Variants in CDC5L observed in about 807,000 individuals in gnomAD.
CDC5L encodes the protein cell division cycle 5-like protein.
In CDC5L, 18 loss-of-function variants were observed where a neutral mutation model predicts 104.1. The ratio of observed to expected loss-of-function variants is 0.17; its 90% CI spans 0.12 to 0.26. The LOEUF (loss-of-function observed/expected upper bound fraction) is 0.26, where lower values mean the gene tolerates loss of function less well. CDC5L is among the 10% of genes least tolerant of loss of function. CDC5L has a pLI of 1.00. For synonymous variants in CDC5L, 331 were observed against 322.7 expected, an observed-to-expected ratio of 1.03 and a Z score of -0.28; for missense variants, 673 against 956.9, an observed-to-expected ratio of 0.70 and a Z score of 3.91.
In CDC5L at chr6:44,446,773, GAAACTGAT is replaced by G; in HGVS notation, c.*63_*70del. On this transcript the variant is annotated 3_prime_UTR_variant, in exon 16 of 16. Coordinates refer to ENST00000371477, the MANE Select transcript of CDC5L (RefSeq NM_001253.4). ...GCCGGTTTTCATACTCTAGAAGGCT[GAAACTGAT>G]GTTTATCTTCATTGACAAATTTACC... 3.8e-6 allele frequency: 3 copies of G among 781,402 alleles called. No homozygotes were observed. The South Asian group carries it at 5.2e-5, about 13-fold the overall frequency. The allele number at this position is 781,402 out of a possible 1,614,324, so 48.4% of individuals were successfully genotyped here.
At position 44,392,654 on chromosome 6, in the gene CDC5L, C is replaced by G. The variant is rs1292967624; in HGVS notation, c.150-13C>G. On this transcript the variant is annotated splice_polypyrimidine_tract_variant and intron_variant, in intron 2 of 15. Coordinates refer to ENST00000371477, the MANE Select transcript of CDC5L (RefSeq NM_001253.4). The stretch of plus-strand genomic sequence containing the variant: ...GTAACTGATTAATATATAAAATGAT[C>G]TATGTTTAATAGGTATGAATGGCTG... 6.2e-7 allele frequency: 1 copy of G among 1,608,902 alleles called. No individual in the cohort carries two copies. Among genetic ancestry groups the G allele is most frequent in the Non-Finnish European group, 8.5e-7 (1 of 1,176,506 alleles).
At chr6:44,409,957 A>C (rs1219979047) in intron 8 of CDC5L, among the ~76,000 whole-genome samples, 3 of 151,870 alleles carry the variant, frequency 2.0e-5, no homozygotes, top group Non-Finnish European at 4.4e-5. Flanking sequence ...TTCATTGATA[A>C]GGAAAAATTG....
At chr6:44,397,557 G>A (rs1291962412) in intron 5 of CDC5L, among the ~76,000 whole-genome samples, 1 of 152,186 alleles carries the variant, frequency 6.6e-6, no homozygotes, top group Non-Finnish European at 1.5e-5. Context: ...AGTATGTTGA[G>A]TGTGTTCTGT....
chr6:44,393,701 G>A, intron 4 of CDC5L, 128 bp downstream of exon 4: 2 of 924,268 alleles, frequency 2.2e-6, no homozygotes, highest in Non-Finnish European at 3.1e-6. Context: ...GTCTTGCTCT[G>A]TTACCCAGGC....
At chr6:44,402,954 T>C (rs980205283) in intron 5 of CDC5L, among the ~76,000 whole-genome samples, 4 of 152,244 alleles carry the variant, frequency 2.6e-5, no homozygotes, top group African/African-American at 9.6e-5. Flanking sequence ...AAACAGTGCT[T>C]AGTGAACAGC....
At chr6:44,404,341 C>G (rs1791265724) in intron 6 of CDC5L, among the ~76,000 whole-genome samples, 1 of 151,754 alleles carries the variant, frequency 6.6e-6, no homozygotes, top group Non-Finnish European at 1.5e-5. Flanking sequence ...AGGGTGGGAT[C>G]TCCTTTTGTT....
intron 10 of CDC5L, among the ~76,000 whole-genome samples, chr6:44,423,363 G>A (rs1009631094): frequency 6.6e-6 from 1 of 152,136 alleles, no homozygotes; most frequent in Admixed American, 6.5e-5. Context: ...CATGCATTTG[G>A]ACATTTGAGG....
rs1454187759 is a variant in CDC5L at position 44,387,803 on chromosome 6, C to T, written c.-21C>T. ...CTCTGAAGCTCCTCTCGGCTGCTTGCCGAGACACCCTGCCGCCAAGATGCC... is the reference window on the plus strand; with the variant it reads ...CTCTGAAGCTCCTCTCGGCTGCTTGTCGAGACACCCTGCCGCCAAGATGCC... On this transcript the variant is annotated 5_prime_UTR_variant, in exon 1 of 16. Coordinates refer to ENST00000371477, the MANE Select transcript of CDC5L (RefSeq NM_001253.4). The T allele has an allele frequency of 3.9e-6, 6 of 1,555,832 alleles. No homozygotes were observed. Among genetic ancestry groups the T allele is most frequent in the African/African-American group, 1.4e-5 (1 of 73,292 alleles).
At chr6:44,430,969 C>T (rs373518335) in intron 14 of CDC5L, among the ~76,000 whole-genome samples, 2 of 152,280 alleles carry the variant, frequency 1.3e-5, no homozygotes, top group East Asian at 1.9e-4. Context: ...TACAGAAAAT[C>T]GTCTTGGTTT....
At chr6:44,434,489 T>C (rs1027217987) in intron 14 of CDC5L, among the ~76,000 whole-genome samples, 1 of 152,182 alleles carries the variant, frequency 6.6e-6, no homozygotes, top group African/African-American at 2.4e-5. Context: ...TGTTTGCAAA[T>C]GTTTTGGTGA....
At chr6:44,418,674 A>T (rs1326488740) in intron 8 of CDC5L, among the ~76,000 whole-genome samples, 2 of 152,038 alleles carry the variant, frequency 1.3e-5, no homozygotes, top group Non-Finnish European at 1.5e-5. Context: ...TGACTTTTTA[A>T]TGATTGCCAT....
chr6:44,393,750 G>C (rs1790728711), intron 4 of CDC5L, among the ~76,000 whole-genome samples, 177 bp downstream of exon 4: 1 of 151,714 alleles, frequency 6.6e-6, no homozygotes, highest in Non-Finnish European at 1.5e-5. Flanking sequence ...CTGCGGTTTT[G>C]ACCTCCTGGG....
chr6:44,414,430 G>A (rs13208709), intron 8 of CDC5L, among the ~76,000 whole-genome samples: 106,774 of 140,954 alleles, frequency 0.76, 40,811 homozygotes, highest in Non-Finnish European at 0.86. Flanking sequence ...GTGTGTGTGT[G>A]TATTTTTTTT....
chr6:44,424,925 TTGGTTCC>T (rs1037623217), intron 11 of CDC5L, among the ~76,000 whole-genome samples: 34 of 152,284 alleles, frequency 2.2e-4, no homozygotes, highest in Admixed American at 3.9e-4. Context: ...CAAATACATC[TTGGTTCC>T]TGGGTGGTGC....
rs9369480 is a variant in CDC5L, at chr6:44,389,039, C to T, written c.45+1171C>T. 2.4e-3 allele frequency among the ~76,000 whole-genome samples: 367 copies of T among 152,228 alleles called. 7 individuals carry two copies. The East Asian group carries it at 0.051, about 21-fold the overall frequency. ...GAGTAAGAGCTAGTTGCTCTTTCACCTCACCAGACAGCATGGCGAGAGGAC... is the reference window on the plus strand; with the variant it reads ...GAGTAAGAGCTAGTTGCTCTTTCACTTCACCAGACAGCATGGCGAGAGGAC... On this transcript the variant is annotated intron_variant, in intron 1 of 15. Coordinates refer to ENST00000371477, the MANE Select transcript of CDC5L (RefSeq NM_001253.4).
intron 14 of CDC5L, among the ~76,000 whole-genome samples, chr6:44,434,904 C>A (rs551040106): frequency 4.6e-5 from 7 of 152,102 alleles, no homozygotes; most frequent in Non-Finnish European, 8.8e-5. Context: ...GGTCTCTGGC[C>A]AGTCTTTTTT....
In CDC5L at chr6:44,396,334, T is replaced by G. The variant is rs777026299; in HGVS notation, c.440-7T>G. 6.3e-7 allele frequency: 1 copy of G among 1,595,638 alleles called. No homozygotes were observed. The highest frequency in any genetic ancestry group is 8.6e-7 in the Non-Finnish European group (1 of 1,169,196). ...ATACTTAGTTTTTCTTCTTTTAATT[T>G]TTGCAGATGAACTTGAGATGCTTTC... On this transcript the variant is annotated splice_region_variant and splice_polypyrimidine_tract_variant and intron_variant, in intron 4 of 15. Coordinates refer to ENST00000371477, the MANE Select transcript of CDC5L (RefSeq NM_001253.4).
At position 44,387,735 on chromosome 6, in the gene CDC5L, A is replaced by G; in HGVS notation, c.-89A>G. 2 of 1,157,594 alleles carry G rather than the reference A, an allele frequency of 1.7e-6. No individual in the cohort carries two copies. Among genetic ancestry groups the G allele is most frequent in the Non-Finnish European group, 1.3e-6 (1 of 791,614 alleles). The allele number at this position is 1,157,594 out of a possible 1,614,324, so 71.7% of individuals were successfully genotyped here. On this transcript the variant is annotated 5_prime_UTR_variant, in exon 1 of 16. Coordinates refer to ENST00000371477, the MANE Select transcript of CDC5L (RefSeq NM_001253.4). Reference sequence around the variant, plus strand: ...AAAGCAGAAGGTCGCGCTTGGAGGAAGTGGCGGCTTTGAGTCCGGTGGCCC... The same window carrying G: ...AAAGCAGAAGGTCGCGCTTGGAGGAGGTGGCGGCTTTGAGTCCGGTGGCCC...
chr6:44,424,671 A>G, intron 11 of CDC5L, 88 bp downstream of exon 11: 1 of 1,240,112 alleles, frequency 8.1e-7, no homozygotes, highest in Non-Finnish European at 1.2e-6. Flanking sequence ...ATGTCCCAAG[A>G]TCTCTACCTA....
Sources: gnomAD v4.1 joint callset for allele counts (sites outside exome capture counted in the v4.1 genomes callset) on GRCh38, gnomAD v4.1.1 for gene constraint, MANE v1.5 for transcripts, NCBI Gene and HGNC (gene_info 2026-07-23, HGNC 2026-07-21) for gene names.